CTNND2: variants seen among roughly 807,000 people sequenced by gnomAD.
CTNND2 encodes catenin delta 2, also known as catenin delta-2.
Under a neutral mutation model 144.4 loss-of-function variants are expected in CTNND2, and 22 were observed. That is an observed-to-expected ratio of 0.15 (90% CI 0.11 to 0.22). The LOEUF (loss-of-function observed/expected upper bound fraction) is 0.22, where lower values mean the gene tolerates loss of function less well. CTNND2 is among the 10% of genes least tolerant of loss of function. The pLI is 1.00. For synonymous variants in CTNND2, 751 were observed against 695.6 expected (o/e 1.08, Z -1.25); for missense variants, 1,353 against 1,618.8 (o/e 0.84, Z 2.82).
Position 11,710,129 on chromosome 5 carries a change from G to A in CTNND2, c.174+22007C>T, listed in dbSNP as rs138229819. On this transcript the variant is annotated intron_variant, in intron 2 of 21. Transcript: ENST00000304623. ...GAGATGACTATGCATCCCAAGAGAA[G>A]GGCAGGCAAAGGAAAGATGATTGTT... Among the ~76,000 whole-genome samples the A allele has an allele frequency of 3.9e-5, 6 of 152,196 alleles. No individual in the cohort carries two copies. In the East Asian group the frequency reaches 1.2e-3, roughly 29 times the overall value.
intron 9 of CTNND2, among the ~76,000 whole-genome samples, chr5:11,336,543 T>C (rs1008680607): frequency 7.9e-5 from 12 of 152,194 alleles, no homozygotes; most frequent in Admixed American, 5.2e-4. Flanking sequence ...ATCAACACTT[T>C]GTTACTGTGT....
intron 1 of CTNND2, among the ~76,000 whole-genome samples, chr5:11,773,360 C>T (rs998691259): frequency 2.0e-5 from 3 of 152,128 alleles, no homozygotes; most frequent in African/African-American, 7.2e-5. Context: ...GCTGAAAACA[C>T]TTAATTATTT....
intron 1 of CTNND2, among the ~76,000 whole-genome samples, chr5:11,807,573 C>T (rs2126900754): frequency 6.6e-6 from 1 of 152,214 alleles, no homozygotes; most frequent in East Asian, 1.9e-4. Flanking sequence ...TTATGATCAA[C>T]GTGGTAGAAT....
Position 11,259,618 on chromosome 5 carries a change from A to G in CTNND2, c.1629-22795T>C, listed in dbSNP as rs1229498438. Among the ~76,000 whole-genome samples the G allele has an allele frequency of 2.0e-5, 3 of 152,354 alleles. No homozygotes were observed. In the East Asian group the frequency reaches 5.8e-4, roughly 29 times the overall value. Reference sequence around the variant, plus strand: ...ACACTACGGGTTGGGGTGGTTGGTTATGCAGCAAATGGCAATGACATATAG... The same window carrying G: ...ACACTACGGGTTGGGGTGGTTGGTTGTGCAGCAAATGGCAATGACATATAG... On this transcript the variant is annotated intron_variant, in intron 9 of 21. Transcript: ENST00000304623.
intron 1 of CTNND2, among the ~76,000 whole-genome samples, chr5:11,823,543 T>C (rs997107273): frequency 6.6e-6 from 1 of 152,210 alleles, no homozygotes; most frequent in Non-Finnish European, 1.5e-5. Context: ...TATCAGTCAT[T>C]ATAAAACTTT....
In CTNND2 at chr5:11,384,594, A is replaced by G; in HGVS notation, c.1177+71T>C. 1 of 1,452,394 alleles carries G rather than the reference A, an allele frequency of 6.9e-7. No individual in the cohort carries two copies. The highest frequency in any genetic ancestry group is 9.2e-7 in the Non-Finnish European group (1 of 1,083,586). 90.0% of individuals were successfully genotyped at this position (1,452,394 alleles called of 1,614,324 possible). A position where few individuals can be genotyped will look rare whatever the true frequency, so the allele number is the denominator to read the frequency against. ...GCGCGCCCGGCTTCGCTTCTGCTCAAGCCGGGCTGCTGCTTCCGCGTCCCC... is the reference window on the plus strand; with the variant it reads ...GCGCGCCCGGCTTCGCTTCTGCTCAGGCCGGGCTGCTGCTTCCGCGTCCCC... On this transcript the variant is annotated intron_variant, in intron 7 of 21. Transcript: ENST00000304623. The surrounding 1 kb of genome is among the most constrained non-coding windows in gnomAD (Gnocchi z 5.2).
rs1029258535 is a variant in CTNND2, at chr5:11,180,144, T to C, written c.1975+19304A>G. Among the ~76,000 whole-genome samples the C allele has an allele frequency of 3.3e-5, 5 of 152,020 alleles. No individual in the cohort carries two copies. The South Asian group carries it at 1.0e-3, about 32-fold the overall frequency. On this transcript the variant is annotated intron_variant, in intron 11 of 21. Coordinates refer to ENST00000304623, the MANE Select transcript of CTNND2 (RefSeq NM_001332.4). ...GAGGTGACTGCATCATGGGGGGTGG[T>C]TTCCCCCATGCTGTTCTTGTGATAG...
chr5:11,271,814 G>C (rs1422197461), intron 9 of CTNND2, among the ~76,000 whole-genome samples: 1 of 152,096 alleles, frequency 6.6e-6, no homozygotes, highest in Non-Finnish European at 1.5e-5. Context: ...GTCTGGGAGC[G>C]GGTGTGGGGG....
intron 1 of CTNND2, among the ~76,000 whole-genome samples, chr5:11,747,189 T>C (rs1362467171): frequency 1.3e-5 from 2 of 152,122 alleles, no homozygotes; most frequent in Admixed American, 6.6e-5. Flanking sequence ...CAACAGCTGA[T>C]TGATGGGTTT....
At chr5:11,684,109 A>T (rs867199885) in intron 2 of CTNND2, among the ~76,000 whole-genome samples, 115 of 146,628 alleles carry the variant, frequency 7.8e-4, no homozygotes, top group South Asian at 2.6e-3. Context: ...TTTATTTTTT[A>T]TTTTTTTTTT....
intron 16 of CTNND2, among the ~76,000 whole-genome samples, chr5:11,034,444 T>TA (rs1052510857): frequency 1.3e-5 from 2 of 152,246 alleles, no homozygotes; most frequent in African/African-American, 4.8e-5. Flanking sequence ...GTAAAATTCT[T>TA]AGTGTCCTCT....
At chr5:11,795,696 G>T (rs1791363620) in intron 1 of CTNND2, among the ~76,000 whole-genome samples, 1 of 152,196 alleles carries the variant, frequency 6.6e-6, no homozygotes, top group Non-Finnish European at 1.5e-5. Context: ...AGATTTCTTG[G>T]GAAGGAGAAT....
At chr5:10,987,700 ACCTCC>A (rs545484776) in intron 20 of CTNND2, among the ~76,000 whole-genome samples, 199 of 18,260 alleles carry the variant, frequency 0.011, 1 homozygote, top group African/African-American at 0.036. Context: ...TCCCCTCCCC[ACCTCC>A]CCTCCCCTCC....
chr5:11,425,226 C>T (rs1295806191), intron 3 of CTNND2, among the ~76,000 whole-genome samples: 2 of 152,158 alleles, frequency 1.3e-5, no homozygotes, highest in Non-Finnish European at 2.9e-5. Context: ...ACTTCACTGG[C>T]TCTCTGGAAG....
At chr5:11,059,896 A>G (rs962428961) in intron 16 of CTNND2, among the ~76,000 whole-genome samples, 16 of 152,348 alleles carry the variant, frequency 1.1e-4, no homozygotes, top group African/African-American at 3.8e-4. Context: ...ATGAATATAT[A>G]CATTCATACC....
intron 3 of CTNND2, among the ~76,000 whole-genome samples, chr5:11,488,664 A>C (rs947588458): frequency 8.5e-5 from 13 of 152,320 alleles, no homozygotes; most frequent in African/African-American, 2.9e-4. Context: ...AAAAGAGAGA[A>C]GAGTTCAACT....
rs191471116 is a variant in CTNND2 at position 10,990,472 on chromosome 5, C to T, written c.3211+2079G>A. 8.3e-4 allele frequency among the ~76,000 whole-genome samples: 127 copies of T among 152,278 alleles called. 2 individuals carry two copies. Among genetic ancestry groups the T allele is most frequent in the African/African-American group, 3.0e-3 (126 of 41,548 alleles). ...TGCTGCCCCCTTCTCTTTGGTTCAC[C>T]ATCTTTCTCTTCCAGGAAAGTCTCT... On this transcript the variant is annotated intron_variant, in intron 19 of 21. Transcript: ENST00000304623.
chr5:11,582,013 T>C (rs530972013), intron 2 of CTNND2, among the ~76,000 whole-genome samples: 3 of 152,324 alleles, frequency 2.0e-5, no homozygotes, highest in African/African-American at 7.2e-5. Context: ...AGAAGACTTT[T>C]ACTGACCAAG....
intron 1 of CTNND2, among the ~76,000 whole-genome samples, chr5:11,852,586 C>CAGTA (rs1351091227): frequency 3.3e-5 from 5 of 152,164 alleles, no homozygotes; most frequent in Admixed American, 2.6e-4. Flanking sequence ...GTGATCCAAA[C>CAGTA]AGTATCCAGT....
Sources: gnomAD v4.1 joint callset for allele counts (sites outside exome capture counted in the v4.1 genomes callset) on GRCh38, gnomAD v4.1.1 for gene constraint, Gnocchi (gnomAD v3.1) non-coding constraint, MANE v1.5 for transcripts, NCBI Gene and HGNC (gene_info 2026-07-23, HGNC 2026-07-21) for gene names.